Variants in ABCA5 observed in about 807,000 individuals in gnomAD.
The protein encoded by ABCA5 is cholesterol transporter ABCA5.
In ABCA5, 163 loss-of-function variants were observed where a neutral mutation model predicts 206.0. That is an observed-to-expected ratio of 0.79 (90% CI 0.70 to 0.90). ABCA5 has a LOEUF of 0.90. ABCA5 is among the 40% of genes least tolerant of loss of function. The pLI, the probability that ABCA5 is intolerant of heterozygous loss-of-function variation, is 0.00. For missense variants in ABCA5, 1,859 were observed against 1,912.9 expected (o/e 0.97, Z 0.53); for synonymous variants, 609 against 613.8 (o/e 0.99, Z 0.11).
intron 1 of ABCA5, among the ~76,000 whole-genome samples, chr17:69,318,230 G>A (rs2075833580): frequency 6.6e-6 from 1 of 151,960 alleles, no homozygotes; most frequent in East Asian, 1.9e-4. Flanking sequence ...AAGTAACTGG[G>A]ATTACAGGCG....
At chr17:69,284,313 G>A (rs2075428012) in intron 17 of ABCA5, among the ~76,000 whole-genome samples, 1 of 152,100 alleles carries the variant, frequency 6.6e-6, no homozygotes, top group Non-Finnish European at 1.5e-5. Context: ...AGTGAGCTGT[G>A]ATTGTGGCAC....
chr17:69,287,473 A>AT lies in ABCA5; in HGVS notation c.2041+139dup, dbSNP rs992943441. 5 of 1,215,500 alleles carry AT rather than the reference A, an allele frequency of 4.1e-6. No individual in the cohort carries two copies. In the African/African-American group the frequency reaches 7.8e-5, roughly 19 times the overall value. 75.3% of individuals were successfully genotyped at this position (1,215,500 alleles called of 1,614,324 possible). A position where few individuals can be genotyped will look rare whatever the true frequency, so the allele number is the denominator to read the frequency against. On this transcript the variant is annotated intron_variant, in intron 15 of 38. Transcript: ENST00000392676. ...CAACACAAAAATGTATCATTTTAAA[A>AT]TTTTTTAGAACTTTTTTTGTGAAGG...
chr17:69,250,004 A>G lies in ABCA5; in HGVS notation c.4686-20T>C, dbSNP rs1360015778. 9 of 1,411,138 alleles carry G rather than the reference A, an allele frequency of 6.4e-6. No individual in the cohort carries two copies. The highest frequency in any genetic ancestry group is 8.5e-6 in the Non-Finnish European group (9 of 1,057,080). 87.4% of individuals were successfully genotyped at this position (1,411,138 alleles called of 1,614,324 possible). A position where few individuals can be genotyped will look rare whatever the true frequency, so the allele number is the denominator to read the frequency against. On this transcript the variant is annotated intron_variant, in intron 36 of 38. Transcript: ENST00000392676. ...GAAAAACTGGAAAAAAAGATAAAAT[A>G]TGGAAAAAAATTAAAAATTACTACT...
intron 1 of ABCA5, among the ~76,000 whole-genome samples, chr17:69,318,438 T>TA (rs2075835726): frequency 6.6e-6 from 1 of 152,146 alleles, no homozygotes; most frequent in Non-Finnish European, 1.5e-5. Context: ...TAAATATATA[T>TA]AATTAAAGTT....
At chr17:69,318,373 G>A (rs1034024382) in intron 1 of ABCA5, among the ~76,000 whole-genome samples, 1 of 152,124 alleles carries the variant, frequency 6.6e-6, no homozygotes, top group Admixed American at 6.6e-5. Flanking sequence ...GGGATTACAG[G>A]AGTGAGCCAC....
intron 4 of ABCA5, among the ~76,000 whole-genome samples, chr17:69,308,635 T>C (rs750045223): frequency 1.3e-5 from 2 of 152,226 alleles, no homozygotes; most frequent in African/African-American, 2.4e-5. Context: ...ATTGTAGTTA[T>C]TTAAAACAAG....
intron 24 of ABCA5, 81 bp from the exon 25 acceptor site, chr17:69,261,829 A>G (rs2075151340): frequency 2.0e-6 from 1 of 512,086 alleles, no homozygotes; most frequent in East Asian, 3.5e-5. Context: ...ATATTAAAAT[A>G]TGAAATTATT....
intron 1 of ABCA5, among the ~76,000 whole-genome samples, chr17:69,315,883 C>G (rs2075811870): frequency 6.6e-6 from 1 of 151,370 alleles, no homozygotes. Context: ...ACTTTTAAAG[C>G]AGCTATTTAA....
chr17:69,298,967 A>G (rs1263176725), intron 9 of ABCA5, among the ~76,000 whole-genome samples: 1 of 152,170 alleles, frequency 6.6e-6, no homozygotes, highest in African/African-American at 2.4e-5. Context: ...CACTCAAATC[A>G]GCAAGAACAA....
intron 18 of ABCA5, among the ~76,000 whole-genome samples, chr17:69,281,950 C>G (rs1407232999): frequency 6.6e-6 from 1 of 152,128 alleles, no homozygotes; most frequent in Non-Finnish European, 1.5e-5. Context: ...AACTAACATC[C>G]TGGTTTCCTT....
rs780547628 is a variant in ABCA5, at chr17:69,314,337, T to C, written c.79A>G (p.Arg27Gly). The change falls in exon 2 of 39, where the codon AGA becomes GGA. Residue 27 changes from arginine (R) to glycine (G), a missense_variant. By Grantham distance (125) the Arg-to-Gly change is moderately radical. Transcript: ENST00000392676. ...ACCTGAACACTACTCTTTTTGGTTC[T>C]GCATTTAATTAAGTAATTCTTCAGT... ...LLLKNYLIKC[R>G]TKKSSVQEIL... is the part of the protein sequence containing the mutation. The C allele has an allele frequency of 6.2e-7, 1 of 1,613,424 alleles. No individual in the cohort carries two copies. Among genetic ancestry groups the C allele is most frequent in the Admixed American group, 1.7e-5 (1 of 59,982 alleles).
intron 12 of ABCA5, among the ~76,000 whole-genome samples, chr17:69,290,305 T>C (rs529415980): frequency 1.1e-3 from 166 of 152,258 alleles, no homozygotes; most frequent in African/African-American, 3.9e-3. Context: ...TATCTATTGA[T>C]ACACTATTTA....
rs557572444 is a variant in ABCA5 at position 69,325,235 on chromosome 17, C to A, written c.-16+1817G>T. ...GAGGTGGGAGGATCACTTGAGCCTGCGAAGTCAAGGCTGCAGTGAGCCAAG... is the reference window on the plus strand; with the variant it reads ...GAGGTGGGAGGATCACTTGAGCCTGAGAAGTCAAGGCTGCAGTGAGCCAAG... On this transcript the variant is annotated intron_variant, in intron 1 of 38. Coordinates refer to ENST00000392676, the MANE Select transcript of ABCA5 (RefSeq NM_172232.4). Among the ~76,000 whole-genome samples, 13 of 150,926 alleles carry A rather than the reference C, an allele frequency of 8.6e-5. No homozygotes were observed. The South Asian group carries it at 2.7e-3, about 32-fold the overall frequency.
intron 9 of ABCA5, among the ~76,000 whole-genome samples, chr17:69,299,461 C>CACACACAT (rs1387365973): frequency 4.2e-5 from 6 of 141,626 alleles, no homozygotes; most frequent in South Asian, 2.4e-4. Flanking sequence ...GTGATACACA[C>CACACACAT]ACACACACAT....
intron 1 of ABCA5, among the ~76,000 whole-genome samples, chr17:69,317,399 C>CAAAAAAAAAAAAA (rs1168274624): frequency 2.7e-5 from 2 of 74,582 alleles, no homozygotes; most frequent in Non-Finnish European, 4.8e-5. Context: ...GACTCTGTCT[C>CAAAAAAAAAAAAA]AAAAAAAAAA....
chr17:69,294,756 A>G (rs1178319945), intron 10 of ABCA5, 43 bp from the exon 11 acceptor site: 1 of 1,343,768 alleles, frequency 7.4e-7, no homozygotes, highest in East Asian at 2.4e-5. Flanking sequence ...AAAGCAATTT[A>G]TAAGTATGTG....
At position 69,261,229 on chromosome 17, in the gene ABCA5, T is replaced by C. The variant is rs760635404; in HGVS notation, c.3460A>G (p.Ile1154Val). The C allele has an allele frequency of 1.9e-6, 3 of 1,608,088 alleles. No individual in the cohort carries two copies. The highest frequency in any genetic ancestry group is 2.5e-6 in the Non-Finnish European group (3 of 1,177,268). Residue 1154 changes from isoleucine (I) to valine (V), a missense_variant, in exon 26 of 39, where the codon ATA becomes GTA. Coordinates refer to ENST00000392676, the MANE Select transcript of ABCA5 (RefSeq NM_172232.4). ...ATTGTGTATCCCATAAAGAAAGTTA[T>C]TTCAGTGATTGCAATACAAGCCAAC... ...AALACIAITE[I>V]TFFMGYTIAT...
In ABCA5 at chr17:69,286,227, C is replaced by T. The variant is rs753649836; in HGVS notation, c.2126G>A (p.Arg709His). ...FLKSKWGIGY[R>H]LSMYIDKYCA... is the part of the protein sequence containing the mutation. Reference sequence around the variant, plus strand: ...CAATAAAAATGAATGATACCTCAGGCGGTAGCCGATCCCCCATTTACTTTT... The same window carrying T: ...CAATAAAAATGAATGATACCTCAGGTGGTAGCCGATCCCCCATTTACTTTT... The change falls in exon 16 of 39, where the codon CGC becomes CAC. Residue 709 changes from arginine (R) to histidine (H), a missense_variant. Coordinates refer to ENST00000392676, the MANE Select transcript of ABCA5 (RefSeq NM_172232.4). The T allele has an allele frequency of 3.1e-6, 5 of 1,602,216 alleles. No homozygotes were observed. Among genetic ancestry groups the T allele is most frequent in the East Asian group, 2.2e-5 (1 of 44,558 alleles).
intron 10 of ABCA5, among the ~76,000 whole-genome samples, chr17:69,295,216 A>G (rs935345092): frequency 1.3e-5 from 2 of 152,216 alleles, no homozygotes; most frequent in African/African-American, 4.8e-5. Flanking sequence ...AATGACAGGT[A>G]ACCGCACCCA....
Sources: allele counts gnomAD v4.1 joint callset (sites outside exome capture counted in the v4.1 genomes callset), GRCh38; gene constraint gnomAD v4.1.1; transcripts MANE v1.5; gene names NCBI Gene and HGNC (gene_info 2026-07-23, HGNC 2026-07-21).